The following ROR2 variants were observed in gnomAD, a reference collection of about 807,000 sequenced individuals.
ROR2 encodes the protein ROR family WNT receptor 2, also known as tyrosine-protein kinase transmembrane receptor ROR2.
Under a neutral mutation model 74.9 loss-of-function variants are expected in ROR2, and 33 were observed. The observed-to-expected ratio is 0.44, with a 90% confidence interval of 0.33 to 0.59. The LOEUF (loss-of-function observed/expected upper bound fraction) is 0.59. ROR2 is among the 20% of genes least tolerant of loss of function. The pLI is 0.02. For missense variants in ROR2, 1,216 were observed against 1,313.8 expected, an observed-to-expected ratio of 0.93 and a Z score of 1.15; for synonymous variants, 586 against 558.7, an observed-to-expected ratio of 1.05 and a Z score of -0.69.
intron 1 of ROR2, among the ~76,000 whole-genome samples, chr9:91,906,844 G>A (rs1202288179): frequency 2.0e-5 from 3 of 152,272 alleles, no homozygotes; most frequent in Admixed American, 2.0e-4. Flanking sequence ...AGAGCGCCTA[G>A]AACTCAGTGG....
rs778107703 is a variant in ROR2, at chr9:91,733,335, G to A, written c.724C>T (p.Arg242Cys). Residue 242 changes from arginine (R) to cysteine (C), a missense_variant, in exon 6 of 9, where the codon CGC becomes TGC. Transcript: ENST00000375708. The surrounding 1 kb of genome is among the most constrained non-coding windows in gnomAD (Gnocchi z 5.7). ...CHFVFPLCDA[R>C]SRTPKPRELC... ...TCACGCGGCTTGGGTGTCCGGGAGC[G>A]CGCGTCGCACAGAGGAAACACGAAG... The A allele has an allele frequency of 6.8e-6, 11 of 1,612,300 alleles. No homozygotes were observed. Among genetic ancestry groups the A allele is most frequent in the East Asian group, 2.2e-5 (1 of 44,872 alleles).
chr9:91,824,833 C>A (rs904766417), intron 1 of ROR2, among the ~76,000 whole-genome samples: 3 of 152,162 alleles, frequency 2.0e-5, no homozygotes, highest in African/African-American at 7.2e-5. Context: ...AAACAGCCTG[C>A]CCTGGCAGGA....
intron 1 of ROR2, among the ~76,000 whole-genome samples, chr9:91,784,476 C>A (rs1190017280): frequency 6.6e-6 from 1 of 152,172 alleles, no homozygotes; most frequent in Non-Finnish European, 1.5e-5. Context: ...GCGTGCTGTG[C>A]AGTTCCACTC....
intron 2 of ROR2, among the ~76,000 whole-genome samples, chr9:91,772,798 A>G (rs1826279279): frequency 6.6e-6 from 1 of 152,218 alleles, no homozygotes. Flanking sequence ...CAAAAAAGTC[A>G]AGAGATTATC....
At chr9:91,824,875 T>A (rs1305739516) in intron 1 of ROR2, among the ~76,000 whole-genome samples, 1 of 152,146 alleles carries the variant, frequency 6.6e-6, no homozygotes, top group Non-Finnish European at 1.5e-5. Flanking sequence ...TTGCCAGCTG[T>A]ATTTTCTTCT....
chr9:91,867,195 G>A (rs1000585055), intron 1 of ROR2, among the ~76,000 whole-genome samples: 2 of 152,218 alleles, frequency 1.3e-5, no homozygotes, highest in African/African-American at 4.8e-5. Context: ...AGAGCTTCCA[G>A]AGGAGGCTTC....
At chr9:91,922,215 T>A (rs983490025) in intron 1 of ROR2, among the ~76,000 whole-genome samples, 9 of 151,664 alleles carry the variant, frequency 5.9e-5, no homozygotes, top group Non-Finnish European at 1.2e-4. Flanking sequence ...TACAAAATGG[T>A]GCAGCCACTG....
intron 1 of ROR2, among the ~76,000 whole-genome samples, chr9:91,815,947 ACT>A (rs1827915404): frequency 6.6e-6 from 1 of 151,890 alleles, no homozygotes; most frequent in Admixed American, 6.6e-5. Flanking sequence ...CCTACTGGCC[ACT>A]CTCTACCTGC....
At chr9:91,937,751 C>G (rs1336688901) in intron 1 of ROR2, among the ~76,000 whole-genome samples, 1 of 152,178 alleles carries the variant, frequency 6.6e-6, no homozygotes, top group African/African-American at 2.4e-5. Context: ...GAGTTTTGCT[C>G]TGTCACCCAG....
chr9:91,749,422 C>A (rs562401813), intron 4 of ROR2, among the ~76,000 whole-genome samples: 8 of 152,304 alleles, frequency 5.3e-5, no homozygotes, highest in African/African-American at 1.7e-4. Flanking sequence ...TGTATAAAGA[C>A]ACCAGTACTC....
intron 1 of ROR2, among the ~76,000 whole-genome samples, chr9:91,802,992 G>C (rs1827441138): frequency 6.6e-6 from 1 of 152,068 alleles, no homozygotes; most frequent in African/African-American, 2.4e-5. Context: ...CACGACAACA[G>C]GTTATCAGCT....
chr9:91,730,458 GTTAT>G lies in ROR2; in HGVS notation c.1183+448_1183+451del, dbSNP rs531938377. Among the ~76,000 whole-genome samples the G allele has an allele frequency of 3.3e-5, 5 of 152,094 alleles. No individual in the cohort carries two copies. The South Asian group carries it at 8.3e-4, about 25-fold the overall frequency. On this transcript the variant is annotated intron_variant, in intron 7 of 8. Coordinates refer to ENST00000375708, the MANE Select transcript of ROR2 (RefSeq NM_004560.4). The stretch of plus-strand genomic sequence containing the variant: ...ACTTTCATAACAACCAATAACTTGC[GTTAT>G]TTATTTATTTATTTTTGAGACAGGG...
At chr9:91,856,998 G>T (rs950285745) in intron 1 of ROR2, among the ~76,000 whole-genome samples, 1 of 152,210 alleles carries the variant, frequency 6.6e-6, no homozygotes, top group Non-Finnish European at 1.5e-5. Context: ...CCCCTGTCTT[G>T]AGTCTCCAGA....
At position 91,725,204 on chromosome 9, in the gene ROR2, A is replaced by G; in HGVS notation, c.1387-97T>C. 2.5e-6 allele frequency: 4 copies of G among 1,593,938 alleles called. No individual in the cohort carries two copies. In the South Asian group the frequency reaches 3.3e-5, roughly 13 times the overall value. ...GGAGGAGTGGAGTCCCTGTGCGGCC[A>G]CGACTAGGGGGGCCTTGCAGAAGAC... On this transcript the variant is annotated intron_variant, in intron 8 of 8. Coordinates refer to ENST00000375708, the MANE Select transcript of ROR2 (RefSeq NM_004560.4).
rs768721528 is a variant in ROR2 at position 91,733,339 on chromosome 9, G to A, written c.720C>T (p.Asp240=). 1.9e-5 allele frequency: 31 copies of A among 1,612,286 alleles called. No homozygotes were observed. The highest frequency in any genetic ancestry group is 1.4e-4 in the South Asian group (13 of 90,992). Residue 240 remains aspartate, a synonymous_variant, in exon 6 of 9, where the codon GAC becomes GAT. Transcript: ENST00000375708. This position sits in a 1 kb window ranked among gnomAD's most constrained non-coding sequence, Gnocchi z 5.7. ...SFCHFVFPLC[D]ARSRTPKPRE... ...GCGGCTTGGGTGTCCGGGAGCGCGC[G>A]TCGCACAGAGGAAACACGAAGTGGC...
intron 1 of ROR2, among the ~76,000 whole-genome samples, chr9:91,852,631 ACACACACACACACACACACC>A (rs1443199167): frequency 1.1e-4 from 16 of 150,656 alleles, no homozygotes; most frequent in Admixed American, 6.6e-4. Context: ...ACAAACACAC[ACACACACACACACACACACC>A]CACACACACA....
rs766034817 is a variant in ROR2 at position 91,757,252 on chromosome 9, A to T, written c.463+20T>A. 3.1e-6 allele frequency: 5 copies of T among 1,613,484 alleles called. No homozygotes were observed. Reference sequence around the variant, plus strand: ...AACCTTCATATCTGCTAACCCACACAATTTCACTGTCCAACTCACCCAGCC... The same window carrying T: ...AACCTTCATATCTGCTAACCCACACTATTTCACTGTCCAACTCACCCAGCC... On this transcript the variant is annotated intron_variant, in intron 3 of 8. Coordinates refer to ENST00000375708, the MANE Select transcript of ROR2 (RefSeq NM_004560.4).
chr9:91,886,946 G>A (rs1000067583), intron 1 of ROR2: 4 of 152,218 alleles, frequency 2.6e-5, no homozygotes, highest in Non-Finnish European at 4.4e-5. Context: ...CAGACTGCCT[G>A]CCGTGTCTTT....
intron 1 of ROR2, among the ~76,000 whole-genome samples, chr9:91,909,471 C>T (rs903576943): frequency 1.3e-5 from 2 of 152,012 alleles, no homozygotes; most frequent in Middle Eastern, 6.8e-3. Flanking sequence ...CTCATCCTCC[C>T]GAGTAGCTGG....
Sources: gnomAD v4.1 joint callset for allele counts (sites outside exome capture counted in the v4.1 genomes callset) on GRCh38, gnomAD v4.1.1 for gene constraint, Gnocchi (gnomAD v3.1) non-coding constraint, MANE v1.5 for transcripts, NCBI Gene and HGNC (gene_info 2026-07-23, HGNC 2026-07-21) for gene names.